The following ARRB1 variants were observed in gnomAD, a reference collection of about 807,000 sequenced individuals.
The protein encoded by ARRB1 is arrestin beta 1.
A neutral mutation model predicts 56.8 loss-of-function variants in ARRB1; 21 were observed. The ratio of observed to expected loss-of-function variants is 0.37; its 90% CI spans 0.26 to 0.53. ARRB1 has a LOEUF of 0.53. ARRB1 is among the 20% of genes least tolerant of loss of function. The probability of loss-of-function intolerance (pLI) is 0.88; values close to 1 mark genes in which losing one functional copy is unlikely to be tolerated. For missense variants in ARRB1, 424 were observed against 553.7 expected, an observed-to-expected ratio of 0.77 and a Z score of 2.35; for synonymous variants, 210 against 218.6, an observed-to-expected ratio of 0.96 and a Z score of 0.35.
At chr11:75,340,787 G>C (rs1947681616) in intron 1 of ARRB1, among the ~76,000 whole-genome samples, 1 of 152,130 alleles carries the variant, frequency 6.6e-6, no homozygotes, top group Admixed American at 6.5e-5. Context: ...GAGGAGCCTG[G>C]GGCCAGGATG....
intron 1 of ARRB1, among the ~76,000 whole-genome samples, chr11:75,297,388 T>C (rs983171635): frequency 3.3e-5 from 5 of 151,990 alleles, no homozygotes; most frequent in Non-Finnish European, 7.4e-5. Context: ...TATAGATCAA[T>C]GGGATATAAT....
At chr11:75,269,590 G>T (rs1946027729) in intron 13 of ARRB1, among the ~76,000 whole-genome samples, 3 of 152,194 alleles carry the variant, frequency 2.0e-5, no homozygotes, top group African/African-American at 7.2e-5. Context: ...CTTCTGATGG[G>T]GCTTTCTCTG....
At chr11:75,327,301 CAAAAAA>C (rs777940901) in intron 1 of ARRB1, among the ~76,000 whole-genome samples, 3 of 60,266 alleles carry the variant, frequency 5.0e-5, no homozygotes, top group East Asian at 1.1e-3. Flanking sequence ...AACTCCATCT[CAAAAAA>C]AAAAAAAAAA....
chr11:75,268,698 G>C lies in ARRB1; in HGVS notation c.1093+191C>G, dbSNP rs547199617. On this transcript the variant is annotated intron_variant, in intron 14 of 15. Coordinates refer to ENST00000420843, the MANE Select transcript of ARRB1 (RefSeq NM_004041.5). ...CCACTCCTGGCCTCCCTCTCCCATG[G>C]GGAACAGGAGCCACGCCTCACTGTC... Among the ~76,000 whole-genome samples, 22 of 152,140 alleles carry C rather than the reference G, an allele frequency of 1.4e-4. No homozygotes were observed. In the South Asian group the frequency reaches 4.2e-3, roughly 29 times the overall value.
At chr11:75,306,597 G>A (rs1379495829) in intron 1 of ARRB1, 9 of 1,288,820 alleles carry the variant, frequency 7.0e-6, no homozygotes, top group African/African-American at 4.6e-5. Flanking sequence ...GAGTGAAGAG[G>A]CCAGCCCAGA....
rs1945849012 is a variant in ARRB1 at position 75,263,718 on chromosome 11, T to G, written c.*2445A>C. Among the ~76,000 whole-genome samples the G allele has an allele frequency of 6.6e-6, 1 of 151,570 alleles. No homozygotes were observed. Among genetic ancestry groups the G allele is most frequent in the Admixed American group, 6.6e-5 (1 of 15,216 alleles). On this transcript the variant is annotated 3_prime_UTR_variant, in exon 16 of 16. Transcript: ENST00000420843. ...AATTCAACTAAATTTGGCCATTGCCTTGTGCAGTCCTGGCTCCAGGAGAAA... is the reference window on the plus strand; with the variant it reads ...AATTCAACTAAATTTGGCCATTGCCGTGTGCAGTCCTGGCTCCAGGAGAAA...
chr11:75,323,729 A>G (rs1947384044), intron 1 of ARRB1, among the ~76,000 whole-genome samples: 1 of 152,182 alleles, frequency 6.6e-6, no homozygotes, highest in South Asian at 2.1e-4. Context: ...TGTGCAGGGA[A>G]GATGGGAGGG....
At chr11:75,285,228 G>A (rs1444231781) in intron 3 of ARRB1, among the ~76,000 whole-genome samples, 4 of 152,234 alleles carry the variant, frequency 2.6e-5, no homozygotes, top group African/African-American at 4.8e-5. Context: ...ATGTGTGAAT[G>A]TGCATATGTG....
chr11:75,290,136 G>A, intron 1 of ARRB1, 97 bp from the exon 2 acceptor site: 1 of 1,467,488 alleles, frequency 6.8e-7, no homozygotes, highest in Non-Finnish European at 9.4e-7. Flanking sequence ...GACCAGGGCT[G>A]GAGTGACTGA....
intron 1 of ARRB1, among the ~76,000 whole-genome samples, chr11:75,317,418 C>A (rs1193429241): frequency 6.6e-6 from 1 of 152,098 alleles, no homozygotes; most frequent in Non-Finnish European, 1.5e-5. Context: ...CTCCCCCAAC[C>A]CCCGACGGCA....
intron 1 of ARRB1, among the ~76,000 whole-genome samples, chr11:75,295,417 T>C (rs1191650617): frequency 6.6e-6 from 1 of 152,076 alleles, no homozygotes. Context: ...ATTCCTTGGC[T>C]CATGGCCCCT....
chr11:75,337,682 T>TG (rs1486052861), intron 1 of ARRB1, among the ~76,000 whole-genome samples: 10 of 150,690 alleles, frequency 6.6e-5, no homozygotes, highest in African/African-American at 2.4e-4. Context: ...TAAGGGAGCC[T>TG]GGAAGAGGCC....
At chr11:75,325,156 C>G (rs1480207180) in intron 1 of ARRB1, among the ~76,000 whole-genome samples, 1 of 151,988 alleles carries the variant, frequency 6.6e-6, no homozygotes, top group African/African-American at 2.4e-5. Flanking sequence ...AGAGATTGAC[C>G]GTAAGGAGGA....
At chr11:75,307,800 T>C (rs1294446910) in intron 1 of ARRB1, among the ~76,000 whole-genome samples, 1 of 151,760 alleles carries the variant, frequency 6.6e-6, no homozygotes, top group Non-Finnish European at 1.5e-5. Context: ...GTCAGCTGTG[T>C]GTCTGGGCAG....
chr11:75,343,686 G>C (rs1390548339), intron 1 of ARRB1, among the ~76,000 whole-genome samples: 2 of 152,158 alleles, frequency 1.3e-5, no homozygotes, highest in Non-Finnish European at 2.9e-5. Flanking sequence ...TCTTCCAAGA[G>C]CCTAACCGCT....
intron 1 of ARRB1, among the ~76,000 whole-genome samples, chr11:75,313,882 T>C (rs1947215831): frequency 6.6e-6 from 1 of 152,234 alleles, no homozygotes; most frequent in Admixed American, 6.5e-5. Context: ...TGATGGCTAT[T>C]GAGTGCTTCT....
chr11:75,306,678 G>T, intron 1 of ARRB1: 1 of 1,282,986 alleles, frequency 7.8e-7, no homozygotes, highest in East Asian at 5.6e-5. Context: ...CAGCAGCCAG[G>T]CCAGGGCCAG....
intron 1 of ARRB1, among the ~76,000 whole-genome samples, chr11:75,336,248 C>G (rs1947601262): frequency 6.6e-6 from 1 of 152,174 alleles, no homozygotes; most frequent in South Asian, 2.1e-4. Context: ...CAACCGTGCC[C>G]TCTCTGGATG....
chr11:75,335,198 C>T (rs774515073), intron 1 of ARRB1: 8 of 217,044 alleles, frequency 3.7e-5, no homozygotes, highest in Non-Finnish European at 6.5e-5. Flanking sequence ...CTCCGGAAGA[C>T]ATTCCTTCTT....
Sources: gnomAD v4.1 joint callset for allele counts (sites outside exome capture counted in the v4.1 genomes callset) on GRCh38, gnomAD v4.1.1 for gene constraint, MANE v1.5 for transcripts, NCBI Gene and HGNC (gene_info 2026-07-23, HGNC 2026-07-21) for gene names.